Variants in CSGALNACT1 observed in about 807,000 individuals in gnomAD.
The protein encoded by CSGALNACT1 is beta4GalNAcT-1.
A neutral mutation model predicts 51.0 loss-of-function variants in CSGALNACT1; 52 were observed. That is an observed-to-expected ratio of 1.02 (90% CI 0.82 to 1.29). CSGALNACT1 has a LOEUF of 1.29. Ranked by LOEUF, CSGALNACT1 falls within the 50% of genes most tolerant of loss-of-function variation. The probability of loss-of-function intolerance (pLI) is 0.00; values close to 1 mark genes in which losing one functional copy is unlikely to be tolerated. For missense variants in CSGALNACT1, 935 were observed against 679.2 expected, an observed-to-expected ratio of 1.38 and a Z score of -4.19; for synonymous variants, 341 against 254.4, an observed-to-expected ratio of 1.34 and a Z score of -3.24.
chr8:19,449,645 A>G (rs2062746287), intron 5 of CSGALNACT1, among the ~76,000 whole-genome samples: 1 of 152,210 alleles, frequency 6.6e-6, no homozygotes, highest in South Asian at 2.1e-4. Context: ...TTCAAGTACA[A>G]GATTTCCTTG....
chr8:19,568,349 T>C (rs2042308891), intron 3 of CSGALNACT1, among the ~76,000 whole-genome samples: 1 of 151,998 alleles, frequency 6.6e-6, no homozygotes, highest in Non-Finnish European at 1.5e-5. Flanking sequence ...TATCAAAAAA[T>C]AGAAAAGGCA....
At chr8:19,594,127 A>G (rs955592487) in intron 2 of CSGALNACT1, among the ~76,000 whole-genome samples, 15 of 152,210 alleles carry the variant, frequency 9.9e-5, no homozygotes, top group African/African-American at 3.6e-4. Context: ...TTCACCACTT[A>G]CAACAGAAGC....
At chr8:19,412,853 A>C (rs974377699) in intron 8 of CSGALNACT1, among the ~76,000 whole-genome samples, 2 of 151,810 alleles carry the variant, frequency 1.3e-5, no homozygotes, top group Non-Finnish European at 2.9e-5. Flanking sequence ...TCCATTCCTT[A>C]CTATCTGGGC....
intron 3 of CSGALNACT1, among the ~76,000 whole-genome samples, chr8:19,589,845 A>G (rs2047419985): frequency 6.6e-6 from 1 of 152,212 alleles, no homozygotes; most frequent in Non-Finnish European, 1.5e-5. Context: ...CAGCCAAATC[A>G]TTAATCCACA....
chr8:19,722,326 G>T (rs1212298059), intron 1 of CSGALNACT1, among the ~76,000 whole-genome samples: 1 of 152,088 alleles, frequency 6.6e-6, no homozygotes, highest in Non-Finnish European at 1.5e-5. Context: ...TAATCGATTA[G>T]CTTTTTGCAA....
chr8:19,474,531 T>A (rs760217156), intron 4 of CSGALNACT1, among the ~76,000 whole-genome samples: 9 of 152,168 alleles, frequency 5.9e-5, no homozygotes, highest in Non-Finnish European at 1.3e-4. Flanking sequence ...ATGCTTCGGC[T>A]GACCCATCAA....
At chr8:19,680,569 C>CA (rs905789795) in intron 1 of CSGALNACT1, among the ~76,000 whole-genome samples, 2 of 86,998 alleles carry the variant, frequency 2.3e-5, no homozygotes, top group Non-Finnish European at 4.7e-5. Context: ...GCCCCACCCC[C>CA]CCCCCCCCCC....
chr8:19,753,033 C>T (rs1219466014), intron 1 of CSGALNACT1, among the ~76,000 whole-genome samples: 4 of 152,078 alleles, frequency 2.6e-5, no homozygotes, highest in African/African-American at 9.7e-5. Context: ...CTAAATTGTC[C>T]CATCCTGCAT....
At chr8:19,441,221 TA>T in intron 5 of CSGALNACT1, among the ~76,000 whole-genome samples, 1 of 152,284 alleles carries the variant, frequency 6.6e-6, no homozygotes, top group South Asian at 2.1e-4. Context: ...AAAACTACTC[TA>T]AAGTTCATAT....
At chr8:19,446,594 G>A (rs1042843543) in intron 5 of CSGALNACT1, among the ~76,000 whole-genome samples, 39 of 152,114 alleles carry the variant, frequency 2.6e-4, no homozygotes, top group African/African-American at 9.4e-4. Context: ...GCTCACCAAA[G>A]CATCAACCTC....
intron 3 of CSGALNACT1, among the ~76,000 whole-genome samples, chr8:19,559,186 C>G (rs77156142): frequency 0.013 from 1,919 of 152,158 alleles, 36 homozygotes; most frequent in African/African-American, 0.044. Flanking sequence ...TACAAAGCCC[C>G]ACAATTTTAG....
upstream of CSGALNACT1, among the ~76,000 whole-genome samples, chr8:19,684,017 T>G (rs912248131): frequency 2.0e-5 from 3 of 152,046 alleles, no homozygotes; most frequent in African/African-American, 4.8e-5. Context: ...AATATAAAAA[T>G]TAGCCGGGTA....
At chr8:19,482,639 T>C (rs112639097) in intron 4 of CSGALNACT1, among the ~76,000 whole-genome samples, 93 of 152,260 alleles carry the variant, frequency 6.1e-4, no homozygotes, top group African/African-American at 2.0e-3. Flanking sequence ...CTTTATAATT[T>C]CCATCACGGG....
chr8:19,544,153 TG>T (rs2085932240), intron 3 of CSGALNACT1, among the ~76,000 whole-genome samples: 2 of 152,120 alleles, frequency 1.3e-5, no homozygotes, highest in African/African-American at 4.8e-5. Context: ...CACAAGGACA[TG>T]GCTGTCAAAC....
At chr8:19,462,662 ACAC>A (rs1007954250) in intron 4 of CSGALNACT1, among the ~76,000 whole-genome samples, 13 of 152,110 alleles carry the variant, frequency 8.5e-5, no homozygotes, top group African/African-American at 1.9e-4. Context: ...CTCACCCCAC[ACAC>A]CACAATTTAT....
intron 1 of CSGALNACT1, among the ~76,000 whole-genome samples, chr8:19,639,924 C>G (rs894269711): frequency 6.0e-5 from 9 of 150,652 alleles, no homozygotes; most frequent in Non-Finnish European, 1.2e-4. Flanking sequence ...TTCCGTCTCT[C>G]AGGCTGGAAT....
chr8:19,598,897 C>G (rs1164954607), intron 2 of CSGALNACT1, among the ~76,000 whole-genome samples: 1 of 152,160 alleles, frequency 6.6e-6, no homozygotes, highest in Non-Finnish European at 1.5e-5. Flanking sequence ...CTCGCTCATT[C>G]ATTCTTTTGT....
At chr8:19,664,400 G>C (rs2059012633) in intron 1 of CSGALNACT1, among the ~76,000 whole-genome samples, 1 of 152,148 alleles carries the variant, frequency 6.6e-6, no homozygotes, top group African/African-American at 2.4e-5. Flanking sequence ...ATGTAAATTA[G>C]TACAGCCTTC....
rs1251424674 is a variant in CSGALNACT1, at chr8:19,693,865, A to C, written c.-297+63985T>G. On this transcript the variant is annotated intron_variant, in intron 1 of 1. Coordinates refer to the CSGALNACT1 transcript ENST00000517494. ...CAAAAGTAATTACGGTTTTTGCCAT[A>C]ATAAGTTAACACACACTCTGAGGAT... is the stretch of plus-strand genomic sequence containing the variant. 2.0e-5 allele frequency among the ~76,000 whole-genome samples: 3 copies of C among 152,154 alleles called. No individual in the cohort carries two copies. In the East Asian group the frequency reaches 5.8e-4, roughly 29 times the overall value.
Sources: allele counts gnomAD v4.1 joint callset (sites outside exome capture counted in the v4.1 genomes callset), GRCh38; gene constraint gnomAD v4.1.1; transcripts MANE v1.5; gene names NCBI Gene and HGNC (gene_info 2026-07-23, HGNC 2026-07-21).